Variants in SPATA21 observed in about 807,000 individuals in gnomAD.
The protein encoded by SPATA21 is spermatogenesis associated 21.
Under a neutral mutation model 54.8 loss-of-function variants are expected in SPATA21, and 47 were observed. That is an observed-to-expected ratio of 0.86 (90% CI 0.68 to 1.09). The LOEUF (loss-of-function observed/expected upper bound fraction) is 1.09. Among genes scored for constraint, SPATA21 ranks in the 50% least tolerant of loss-of-function variants. The pLI is 0.00. For synonymous variants in SPATA21, 245 were observed against 235.3 expected (o/e 1.04, Z -0.38); for missense variants, 599 against 596.4 (o/e 1.00, Z -0.05).
chr1:16,415,726 A>G (rs947498392), intron 5 of SPATA21, among the ~76,000 whole-genome samples: 3 of 151,904 alleles, frequency 2.0e-5, no homozygotes, highest in Admixed American at 2.0e-4. Flanking sequence ...TGCCTGGCTA[A>G]TTTTTGTATT....
At chr1:16,426,557 C>CTATATATATATATATATATATA (rs778670029) in intron 3 of SPATA21, among the ~76,000 whole-genome samples, 3 of 85,798 alleles carry the variant, frequency 3.5e-5, no homozygotes, top group East Asian at 7.6e-4. Context: ...TGGTGCCCGG[C>CTATATATATATATATATATATA]TATATATATA....
At chr1:16,404,744 A>T (rs556441492) in intron 8 of SPATA21, among the ~76,000 whole-genome samples, 6 of 152,326 alleles carry the variant, frequency 3.9e-5, no homozygotes, top group African/African-American at 1.4e-4. Context: ...TAGGAGGTCG[A>T]GGCTGTGGTG....
downstream of SPATA21, among the ~76,000 whole-genome samples, chr1:16,398,303 C>A (rs914556515): frequency 1.3e-5 from 2 of 152,110 alleles, no homozygotes; most frequent in East Asian, 3.9e-4. Context: ...ACCCACCCCT[C>A]TTGGGGCTCC....
chr1:16,422,426 A>T (rs982161488), intron 3 of SPATA21, among the ~76,000 whole-genome samples: 2 of 151,876 alleles, frequency 1.3e-5, no homozygotes, highest in Non-Finnish European at 2.9e-5. Context: ...CCAAAGAACC[A>T]CACTTCCCTA....
intron 10 of SPATA21, among the ~76,000 whole-genome samples, chr1:16,401,287 A>G (rs915897043): frequency 1.5e-4 from 23 of 152,202 alleles, no homozygotes; most frequent in Non-Finnish European, 2.4e-4. Context: ...CATGTTACCT[A>G]TTATTTTGGG....
chr1:16,421,340 C>CGT lies in SPATA21; in HGVS notation c.144+167_144+168dup, dbSNP rs2086165141. Among the ~76,000 whole-genome samples the CGT allele has an allele frequency of 6.6e-6, 1 of 152,076 alleles. No individual in the cohort carries two copies. Among genetic ancestry groups the CGT allele is most frequent in the African/African-American group, 2.4e-5 (1 of 41,366 alleles). ...ACACAGGCACAGGCACACACACACA[C>CGT]GTGTGCACATCCATGTGCACTTTAA... On this transcript the variant is annotated intron_variant, in intron 5 of 12. Transcript: ENST00000335496. The surrounding 1 kb of genome is among the most constrained non-coding windows in gnomAD (Gnocchi z 5.2).
chr1:16,416,314 C>T (rs1363104480), intron 5 of SPATA21, among the ~76,000 whole-genome samples: 3 of 152,182 alleles, frequency 2.0e-5, no homozygotes, highest in African/African-American at 7.2e-5. Context: ...GTCTCTGGTG[C>T]AGGTGGGCCT....
Position 16,423,539 on chromosome 1 carries a change from CTT to C in SPATA21, c.35-1570_35-1569del, listed in dbSNP as rs966239575. Among the ~76,000 whole-genome samples the C allele has an allele frequency of 8.8e-3, 981 of 111,496 alleles. 7 individuals are homozygous for C. The highest frequency in any genetic ancestry group is 0.033 in the African/African-American group (938 of 28,190). The allele number at this position is 111,496 out of a possible 152,430, so 73.1% of individuals were successfully genotyped here. A position where few individuals can be genotyped will look rare whatever the true frequency, so the allele number is the denominator to read the frequency against. On this transcript the variant is annotated intron_variant, in intron 3 of 12. Coordinates refer to ENST00000335496, the MANE Select transcript of SPATA21 (RefSeq NM_198546.1). Reference sequence around the variant, plus strand: ...GAATTTCTTTCTCTTTCTCTCTCTCCTTTTTTTTTTTTTTTTTTTTTGGAGAC... The same window carrying C: ...GAATTTCTTTCTCTTTCTCTCTCTCCTTTTTTTTTTTTTTTTTTTGGAGAC...
chr1:16,426,213 C>T (rs1482161666), intron 3 of SPATA21, among the ~76,000 whole-genome samples: 1 of 151,998 alleles, frequency 6.6e-6, no homozygotes, highest in African/African-American at 2.4e-5. Flanking sequence ...CTTTAGTATT[C>T]TGGAGTATTT....
In SPATA21 at chr1:16,409,126, T is replaced by C; in HGVS notation, c.665A>G (p.Gln222Arg). 1 of 1,613,932 alleles carries C rather than the reference T, an allele frequency of 6.2e-7. No individual in the cohort carries two copies. The highest frequency in any genetic ancestry group is 8.5e-7 in the Non-Finnish European group (1 of 1,179,886). ...GACCTCCCTGCCCTCACCTTCCTCT[T>C]GCTTCAGGGTCAGTTGCTCCTCGGA... ...EKSEEQLTLK[Q>R]EEAFRSYFEI... Residue 222 changes from glutamine to arginine, a missense_variant, in exon 7 of 13, where the codon CAA becomes CGA. Gln to Arg is a conservative substitution (Grantham distance 43). Coordinates refer to ENST00000335496, the MANE Select transcript of SPATA21 (RefSeq NM_198546.1). The surrounding 1 kb of genome is among the most constrained non-coding windows in gnomAD (Gnocchi z 4.1).
chr1:16,417,488 G>A (rs1233668929), intron 5 of SPATA21, among the ~76,000 whole-genome samples: 1 of 150,674 alleles, frequency 6.6e-6, no homozygotes, highest in African/African-American at 2.5e-5. Context: ...CCCCAGGCTG[G>A]AGTGCGATGG....
chr1:16,427,804 G>T (rs1022631821), intron 3 of SPATA21: 1 of 1,496,454 alleles, frequency 6.7e-7, no homozygotes. Flanking sequence ...TCTCTCCCCC[G>T]CGGGTGGGCT....
At chr1:16,422,516 T>C (rs2086201546) in intron 3 of SPATA21, among the ~76,000 whole-genome samples, 1 of 151,428 alleles carries the variant, frequency 6.6e-6, no homozygotes, top group African/African-American at 2.4e-5. Flanking sequence ...TGTATTTTTT[T>C]TTTTTTTTGA....
intron 3 of SPATA21, among the ~76,000 whole-genome samples, chr1:16,429,333 T>C (rs1246767064): frequency 6.6e-6 from 1 of 150,560 alleles, no homozygotes; most frequent in East Asian, 2.0e-4. Flanking sequence ...GGTCTCACGA[T>C]GTTGCCCAGG....
At chr1:16,431,494 G>A in intron 2 of SPATA21, 72 bp from the exon 3 acceptor site, 1 of 1,443,642 alleles carries the variant, frequency 6.9e-7, no homozygotes, top group Non-Finnish European at 9.4e-7. Context: ...CCCACTTGGA[G>A]CCTATAATGT....
rs770095438 is a variant in SPATA21, at chr1:16,409,611, C to T, written c.577G>A (p.Ala193Thr). 3.4e-5 allele frequency: 55 copies of T among 1,611,252 alleles called. No homozygotes were observed. The highest frequency in any genetic ancestry group is 4.5e-5 in the Non-Finnish European group (53 of 1,179,648). ...HQSSERTLSY[A>T]KARQEPEEQS... ...AGCGGGGGCTCCTACCGCGCCTTGG[C>T]GTAGCTCAGGGTTCTCTCGCTGCTC... The change falls in exon 6 of 13, where the codon GCC (alanine) becomes ACC (threonine). Residue 193 changes from alanine to threonine, a missense_variant. Coordinates refer to ENST00000335496, the MANE Select transcript of SPATA21 (RefSeq NM_198546.1). This position sits in a 1 kb window ranked among gnomAD's most constrained non-coding sequence, Gnocchi z 4.1.
intron 1 of SPATA21, among the ~76,000 whole-genome samples, chr1:16,435,195 G>A (rs76270183): frequency 6.6e-6 from 1 of 152,042 alleles, no homozygotes; most frequent in African/African-American, 2.4e-5. Context: ...GTGGATGTGA[G>A]TGTAAAGTGT....
intron 3 of SPATA21, chr1:16,431,123 G>A (rs1240100275): frequency 2.5e-6 from 3 of 1,198,692 alleles, no homozygotes; most frequent in Non-Finnish European, 3.4e-6. Flanking sequence ...TTTGAATTGG[G>A]TTTTGTGTCC....
At chr1:16,431,698 T>G (rs1441456699) in intron 2 of SPATA21, among the ~76,000 whole-genome samples, 1 of 152,190 alleles carries the variant, frequency 6.6e-6, no homozygotes, top group African/African-American at 2.4e-5. Context: ...GACGAGGATT[T>G]GAACCATGGC....
Sources: gnomAD v4.1 joint callset for allele counts (sites outside exome capture counted in the v4.1 genomes callset) on GRCh38, gnomAD v4.1.1 for gene constraint, Gnocchi (gnomAD v3.1) non-coding constraint, MANE v1.5 for transcripts, NCBI Gene and HGNC (gene_info 2026-07-23, HGNC 2026-07-21) for gene names.